The following BRD4 variants were observed in gnomAD, a reference collection of about 807,000 sequenced individuals.
BRD4 encodes the protein bromodomain containing 4, also known as bromodomain-containing protein 4.
In BRD4, 16 loss-of-function variants were observed where a neutral mutation model predicts 142.1. The ratio of observed to expected loss-of-function variants is 0.11; its 90% CI spans 0.08 to 0.17. BRD4 has a LOEUF of 0.17. Ranked by LOEUF, BRD4 falls within the 10% of genes least tolerant of loss-of-function variation. BRD4 has a pLI of 1.00. For synonymous variants in BRD4, 833 were observed against 707.5 expected (o/e 1.18, Z -2.82); for missense variants, 1,424 against 1,810.9 (o/e 0.79, Z 3.88).
At chr19:15,331,869 C>T (rs1037914690) in intron 1 of BRD4, 1 of 140,434 alleles carries the variant, frequency 7.1e-6, no homozygotes, top group African/African-American at 2.6e-5. Flanking sequence ...CCGCGGCGGC[C>T]GCTTCCTCCT....
chr19:15,239,905 G>C lies in BRD4; in HGVS notation c.3282+5C>G. ...ACAGGACTATGGCCCAGCCCTGCCAGTTACCTGTTTCTTAGGCTGGACGTT... is the reference window on the plus strand; with the variant it reads ...ACAGGACTATGGCCCAGCCCTGCCACTTACCTGTTTCTTAGGCTGGACGTT... On this transcript the variant is annotated splice_donor_5th_base_variant and intron_variant, in intron 15 of 19. Transcript: ENST00000679869. This position sits in a 1 kb window ranked among gnomAD's most constrained non-coding sequence, Gnocchi z 7.4. The C allele has an allele frequency of 1.2e-6, 2 of 1,614,136 alleles. No individual in the cohort carries two copies. Among genetic ancestry groups the C allele is most frequent in the Non-Finnish European group, 8.5e-7 (1 of 1,180,030 alleles).
At chr19:15,277,228 CGAACTT>C (rs1959223516) in intron 1 of BRD4, among the ~76,000 whole-genome samples, 1 of 152,158 alleles carries the variant, frequency 6.6e-6, no homozygotes, top group African/African-American at 2.4e-5. Flanking sequence ...GCTACATAAT[CGAACTT>C]GATGTCCTAC....
intron 7 of BRD4, 66 bp from the exon 8 acceptor site, chr19:15,257,239 C>T: frequency 6.9e-7 from 1 of 1,441,110 alleles, no homozygotes; most frequent in Non-Finnish European, 9.3e-7. Context: ...CATCACCTGC[C>T]CTCATTGGCT....
intron 11 of BRD4, among the ~76,000 whole-genome samples, chr19:15,252,768 G>A (rs1306914458): frequency 6.6e-6 from 1 of 152,194 alleles, no homozygotes; most frequent in Non-Finnish European, 1.5e-5. Flanking sequence ...GGCATCTGGA[G>A]TCCTGGAGGG....
rs190600735 is a variant in BRD4 at position 15,237,714 on chromosome 19, C to T, written c.*663G>A. 2.1e-5 allele frequency: 5 copies of T among 232,856 alleles called. No individual in the cohort carries two copies. The highest frequency in any genetic ancestry group is 6.0e-5 in the East Asian group (1 of 16,584). The allele number at this position is 232,856 out of a possible 1,614,324, so 14.4% of individuals were successfully genotyped here. Reference sequence around the variant, plus strand: ...TCACTCCCCGGCCGAGGGCTACCCACGCAGGACAGTCGCCTCGCTCCGGAT... The same window carrying T: ...TCACTCCCCGGCCGAGGGCTACCCATGCAGGACAGTCGCCTCGCTCCGGAT... On this transcript the variant is annotated 3_prime_UTR_variant, in exon 20 of 20. Transcript: ENST00000679869.
chr19:15,241,804 A>AT, intron 14 of BRD4, among the ~76,000 whole-genome samples: 1 of 130,830 alleles, frequency 7.6e-6, no homozygotes, highest in African/African-American at 2.9e-5. Flanking sequence ...TTGGCACCTG[A>AT]CTTTTTTTTT....
At chr19:15,310,135 G>A (rs2047953977) in intron 1 of BRD4, among the ~76,000 whole-genome samples, 1 of 151,800 alleles carries the variant, frequency 6.6e-6, no homozygotes, top group African/African-American at 2.4e-5. Context: ...AAAGTGGGTA[G>A]GAGTGAGAAG....
intron 11 of BRD4, chr19:15,245,071 A>T: frequency 2.1e-6 from 1 of 483,898 alleles, no homozygotes; most frequent in Non-Finnish European, 3.8e-6. Context: ...CCCACTACTC[A>T]AGGGTCAGTC....
intron 1 of BRD4, among the ~76,000 whole-genome samples, chr19:15,299,590 C>T (rs2047851441): frequency 6.6e-6 from 1 of 152,194 alleles, no homozygotes; most frequent in African/African-American, 2.4e-5. Context: ...TCCCCAGCTT[C>T]AAGCATAACT....
intron 1 of BRD4, among the ~76,000 whole-genome samples, chr19:15,304,831 A>G (rs987566827): frequency 6.6e-6 from 1 of 152,094 alleles, no homozygotes; most frequent in Non-Finnish European, 1.5e-5. Context: ...AATTCATCTA[A>G]GGTCACACCT....
At chr19:15,306,857 A>G (rs1038935045) in intron 1 of BRD4, among the ~76,000 whole-genome samples, 8 of 152,204 alleles carry the variant, frequency 5.3e-5, no homozygotes, top group African/African-American at 1.2e-4. Flanking sequence ...CATAACAGAT[A>G]TAATAGTCTG....
At chr19:15,304,729 T>G (rs2047899020) in intron 1 of BRD4, among the ~76,000 whole-genome samples, 1 of 152,220 alleles carries the variant, frequency 6.6e-6, no homozygotes, top group South Asian at 2.1e-4. Context: ...TGTGTCTGTA[T>G]GCTGTATTCC....
At chr19:15,272,433 A>ACTACGT (rs2047598734) in intron 2 of BRD4, among the ~76,000 whole-genome samples, 1 of 152,192 alleles carries the variant, frequency 6.6e-6, no homozygotes, top group Admixed American at 6.5e-5. Flanking sequence ...AGTTTGATCA[A>ACTACGT]CTACGTCTAC....
intron 1 of BRD4, among the ~76,000 whole-genome samples, chr19:15,299,992 C>T (rs2047854246): frequency 6.6e-6 from 1 of 152,244 alleles, no homozygotes; most frequent in South Asian, 2.1e-4. Context: ...TGCCTGCAAT[C>T]CCAGCACTTT....
chr19:15,285,643 T>C (rs537468115), intron 1 of BRD4, among the ~76,000 whole-genome samples: 53 of 152,220 alleles, frequency 3.5e-4, no homozygotes, highest in African/African-American at 1.2e-3. Flanking sequence ...GGGTCTAGCA[T>C]ACAGAATGAA....
In BRD4 at chr19:15,257,062, A is replaced by G. The variant is rs2047417768; in HGVS notation, c.1453T>C (p.Ser485Pro). ...PPTKVVAPPS[S>P]SDSSSDSSSD... ...GAGCTATCGCTGCTGCTGTCGCTGG[A>G]TGAGGGCGGGGCCACAACCTTGGTG... The change falls in exon 8 of 20, where the codon TCC (serine) becomes CCC (proline). Residue 485 changes from serine (S) to proline (P), a missense_variant. By Grantham distance (74) the Ser-to-Pro change is moderately conservative (BLOSUM62 -1). This residue lies in a region of BRD4 where 90 missense variants were observed against 93.2 expected (regional missense o/e 0.97). Transcript: ENST00000679869. The G allele has an allele frequency of 1.9e-6, 3 of 1,603,894 alleles. No individual in the cohort carries two copies. Among genetic ancestry groups the G allele is most frequent in the Non-Finnish European group, 2.5e-6 (3 of 1,177,270 alleles).
At chr19:15,314,949 G>T (rs761590715) in intron 1 of BRD4, among the ~76,000 whole-genome samples, 27 of 152,184 alleles carry the variant, frequency 1.8e-4, no homozygotes, top group Non-Finnish European at 3.5e-4. Flanking sequence ...ACGGAATGAG[G>T]CAACAGTGTG....
chr19:15,240,296 C>T (rs1364002272), intron 14 of BRD4, among the ~76,000 whole-genome samples: 1 of 152,210 alleles, frequency 6.6e-6, no homozygotes, highest in African/African-American at 2.4e-5. Flanking sequence ...TTCTAGGGCC[C>T]TGTGGCACCA....
At chr19:15,257,983 G>A (rs2047430949) in intron 7 of BRD4, among the ~76,000 whole-genome samples, 1 of 152,178 alleles carries the variant, frequency 6.6e-6, no homozygotes, top group Non-Finnish European at 1.5e-5. Context: ...CACACATACT[G>A]CCAGCCAGCT....
Sources: allele counts gnomAD v4.1 joint callset (sites outside exome capture counted in the v4.1 genomes callset), GRCh38; gene constraint gnomAD v4.1.1; regional missense constraint gnomAD v4.1.1; non-coding constraint Gnocchi (gnomAD v3.1); transcripts MANE v1.5; gene names NCBI Gene and HGNC (gene_info 2026-07-23, HGNC 2026-07-21).